HDAC8: variants seen among roughly 807,000 people sequenced by gnomAD.
HDAC8 encodes the protein histone deacetylase 8.
Under a neutral mutation model 32.2 loss-of-function variants are expected in HDAC8, and 1 was observed. The ratio of observed to expected loss-of-function variants is 0.03; its 90% confidence interval spans 0.01 to 0.15. HDAC8 has a LOEUF of 0.15. Ranked by LOEUF, HDAC8 falls within the 10% of genes least tolerant of loss-of-function variation. The probability of loss-of-function intolerance (pLI) is 1.00; values close to 1 mark genes in which losing one functional copy is unlikely to be tolerated. For synonymous variants in HDAC8, 108 were observed against 113.9 expected, an observed-to-expected ratio of 0.95 and a Z score of 0.33; for missense variants, 117 against 300.0, an observed-to-expected ratio of 0.39 and a Z score of 4.51.
intron 10 of HDAC8, among the ~76,000 whole-genome samples, chrX:72,350,506 C>T: frequency 9.0e-6 from 1 of 110,551 alleles, no homozygotes; most frequent in Non-Finnish European, 1.9e-5. Context: ...GCGAGGGACT[C>T]AAAGGTAGGA....
In HDAC8 at chrX:72,364,372, C is replaced by T. The variant is rs935636058; in HGVS notation, c.1006-12534G>A. ...GCGCCCTCTGTTGGTGTTGTAATCA[C>T]GCCTATGTGGAGATCCTACATCTCT... On this transcript the variant is annotated intron_variant, in intron 9 of 10. Transcript: ENST00000373573. Among the ~76,000 whole-genome samples, 4 of 111,583 alleles carry T rather than the reference C, an allele frequency of 3.6e-5. No individual in the cohort carries two copies. In the East Asian group the frequency reaches 1.1e-3, roughly 32 times the overall value.
intron 4 of HDAC8, among the ~76,000 whole-genome samples, chrX:72,551,124 G>T (rs925987935): frequency 9.1e-6 from 1 of 109,783 alleles, no homozygotes; most frequent in Non-Finnish European, 1.9e-5. Context: ...AAACTGATGA[G>T]GATCTGGTAG....
intron 4 of HDAC8, among the ~76,000 whole-genome samples, chrX:72,518,972 A>G (rs1009465857): frequency 8.9e-5 from 10 of 112,700 alleles, no homozygotes; most frequent in Non-Finnish European, 1.3e-4. Flanking sequence ...TTATCCATTC[A>G]TCTACTGATG....
intron 9 of HDAC8, among the ~76,000 whole-genome samples, chrX:72,445,639 T>C (rs2047364951): frequency 8.9e-6 from 1 of 111,816 alleles, no homozygotes; most frequent in Non-Finnish European, 1.9e-5. Flanking sequence ...ACTTCATGTC[T>C]AAAACACCAA....
intron 9 of HDAC8, among the ~76,000 whole-genome samples, chrX:72,404,900 T>C (rs1569272878): frequency 9.0e-6 from 1 of 111,282 alleles, no homozygotes; most frequent in Non-Finnish European, 1.9e-5. Context: ...TGCAGATTGT[T>C]GTTTTCAGAA....
intron 9 of HDAC8, among the ~76,000 whole-genome samples, chrX:72,421,146 A>G (rs965420855): frequency 4.5e-5 from 5 of 111,447 alleles, no homozygotes; most frequent in African/African-American, 1.3e-4. Context: ...TGTGGTTACC[A>G]TGGGATTACA....
intron 4 of HDAC8, among the ~76,000 whole-genome samples, chrX:72,538,165 T>C (rs1382173103): frequency 9.1e-6 from 1 of 110,249 alleles, no homozygotes; most frequent in Non-Finnish European, 1.9e-5. Context: ...TCCTTTCTCT[T>C]AGCCCTTGGT....
chrX:72,440,971 G>A (rs1016167608), intron 9 of HDAC8, among the ~76,000 whole-genome samples: 2 of 112,816 alleles, frequency 1.8e-5, no homozygotes, highest in Admixed American at 9.3e-5. Context: ...AGGCGGCAGC[G>A]AGGCTGAGGG....
At chrX:72,486,242 A>C (rs1331649877) in intron 7 of HDAC8, among the ~76,000 whole-genome samples, 4 of 112,738 alleles carry the variant, frequency 3.5e-5, no homozygotes, top group Non-Finnish European at 7.5e-5. Flanking sequence ...GTCAGAGGTA[A>C]CAATGGCAAA....
At chrX:72,490,887 T>C (rs782328656) in intron 6 of HDAC8, 42 bp downstream of exon 6, 2 of 932,776 alleles carry the variant, frequency 2.1e-6, no homozygotes, top group Non-Finnish European at 3.1e-6. Flanking sequence ...AGAATTTCAG[T>C]ATTTAGTCAT....
chrX:72,370,321 G>A (rs1222919571), intron 9 of HDAC8, among the ~76,000 whole-genome samples: 2 of 112,230 alleles, frequency 1.8e-5, no homozygotes, highest in African/African-American at 6.5e-5. Context: ...ATTTAACAGA[G>A]ATTGGTATTA....
intron 4 of HDAC8, among the ~76,000 whole-genome samples, chrX:72,510,313 C>T (rs1556021314): frequency 9.0e-6 from 1 of 111,656 alleles, no homozygotes; most frequent in African/African-American, 3.3e-5. Flanking sequence ...AAAATGTTAC[C>T]TAGGAAATAA....
chrX:72,459,365 C>A (rs2047806569), intron 9 of HDAC8, among the ~76,000 whole-genome samples: 1 of 111,035 alleles, frequency 9.0e-6, no homozygotes, highest in Admixed American at 9.6e-5. Context: ...GGGCACAGGA[C>A]TTGAAGCTGG....
At chrX:72,568,077 AGAG>A (rs782608838) in intron 3 of HDAC8, 47 bp from the exon 4 acceptor site, 11 of 1,138,613 alleles carry the variant, frequency 9.7e-6, no homozygotes, top group South Asian at 5.6e-5. Context: ...AACTGGAAAA[AGAG>A]GAGGAATAGG....
At chrX:72,558,455 T>G (rs1057371276) in intron 4 of HDAC8, among the ~76,000 whole-genome samples, 2 of 112,047 alleles carry the variant, frequency 1.8e-5, no homozygotes, top group Non-Finnish European at 3.8e-5. Context: ...AAGTGTGATA[T>G]ACCACATAAA....
chrX:72,413,683 G>A (rs1253775229), intron 9 of HDAC8, among the ~76,000 whole-genome samples: 1 of 110,605 alleles, frequency 9.0e-6, no homozygotes, highest in African/African-American at 3.3e-5. Flanking sequence ...CAGTTCTCAC[G>A]AGATCTGATG....
chrX:72,554,908 A>G (rs1181105905), intron 4 of HDAC8, among the ~76,000 whole-genome samples: 2 of 112,343 alleles, frequency 1.8e-5, no homozygotes, highest in African/African-American at 6.5e-5. Flanking sequence ...CATCCTCCCT[A>G]TAGGACCACA....
At chrX:72,572,342 T>TC in intron 1 of HDAC8, 1 of 413,105 alleles carries the variant, frequency 2.4e-6, no homozygotes, top group South Asian at 4.6e-5. Flanking sequence ...TGGAACACCT[T>TC]CCCCCTGCAG....
intron 9 of HDAC8, among the ~76,000 whole-genome samples, chrX:72,388,595 TACACACACACACACAC>T (rs59374504): frequency 4.6e-4 from 41 of 88,382 alleles, no homozygotes; most frequent in Non-Finnish European, 7.5e-4. Flanking sequence ...CCACAGTGAT[TACACACACACACACAC>T]ACACACACAC....
Sources: allele counts gnomAD v4.1 joint callset (sites outside exome capture counted in the v4.1 genomes callset), GRCh38; gene constraint gnomAD v4.1.1; transcripts MANE v1.5; gene names NCBI Gene and HGNC (gene_info 2026-07-23, HGNC 2026-07-21).